Variants in GALNT9 observed in about 807,000 individuals in gnomAD.
GALNT9 encodes the protein polypeptide N-acetylgalactosaminyltransferase 9, also known as GalNAc transferase 9.
Under a neutral mutation model 63.1 loss-of-function variants are expected in GALNT9, and 47 were observed. That is an observed-to-expected ratio of 0.75 (90% CI 0.59 to 0.95). GALNT9 has a LOEUF of 0.95. Among genes scored for constraint, GALNT9 ranks in the 40% least tolerant of loss-of-function variants. The pLI is 0.00. For synonymous variants in GALNT9, 396 were observed against 365.7 expected (o/e 1.08, Z -0.94); for missense variants, 829 against 874.8 (o/e 0.95, Z 0.66).
rs367681516 is a variant in GALNT9, at chr12:132,197,064, C to G, written c.*43G>C. ...GTCACTCAGCCACACTGGCTCGGCC[C>G]AGCGCCTTCCCGAGGTCTGTGGGGG... is the stretch of plus-strand genomic sequence containing the variant. On this transcript the variant is annotated 3_prime_UTR_variant, in exon 11 of 11. Transcript: ENST00000328957. 1 of 1,608,510 alleles carries G rather than the reference C, an allele frequency of 6.2e-7. No individual in the cohort carries two copies. Among genetic ancestry groups the G allele is most frequent in the African/African-American group, 1.3e-5 (1 of 75,008 alleles).
intron 6 of GALNT9, among the ~76,000 whole-genome samples, chr12:132,207,056 C>A (rs1373470027): frequency 6.6e-6 from 1 of 152,132 alleles, no homozygotes; most frequent in Non-Finnish European, 1.5e-5. Flanking sequence ...AGAGTGAGAC[C>A]CTGTCTGAAA....
chr12:132,320,874 T>C (rs1868755701), intron 1 of GALNT9, among the ~76,000 whole-genome samples: 1 of 152,152 alleles, frequency 6.6e-6, no homozygotes, highest in Admixed American at 6.5e-5. Context: ...AGGCTGTTGC[T>C]CCGGGCATCC....
chr12:132,222,515 C>T (rs918555989), intron 6 of GALNT9, among the ~76,000 whole-genome samples: 9,805 of 152,140 alleles, frequency 0.064, 392 homozygotes, highest in Non-Finnish European at 0.1. Context: ...TGGTCACACA[C>T]GCAGTTTCTG....
rs1566026940 is a variant in GALNT9 at position 132,328,989 on chromosome 12, TCCTC to T, written c.211_214del (p.Glu71ArgfsTer73). 1 of 1,538,858 alleles carries T rather than the reference TCCTC, an allele frequency of 6.5e-7. No individual in the cohort carries two copies. The highest frequency in any genetic ancestry group is 1.2e-5 in the South Asian group (1 of 83,488). Reference sequence around the variant, plus strand: ...ACCGTTGAGCTGGTTGTAGACCACCTCCTCCAGGTGGTCCAGGCGCTGCAGGATG... The same window carrying T: ...ACCGTTGAGCTGGTTGTAGACCACCTCAGGTGGTCCAGGCGCTGCAGGATG... On this transcript the variant is annotated frameshift_variant, in exon 1 of 11. Transcript: ENST00000328957. LOFTEE classifies it high-confidence loss of function.
At chr12:132,281,611 G>T (rs562444384) in intron 2 of GALNT9, among the ~76,000 whole-genome samples, 38 of 152,348 alleles carry the variant, frequency 2.5e-4, no homozygotes, top group African/African-American at 7.7e-4. Context: ...CTCTGTCAAG[G>T]TTCATCCCGA....
chr12:132,256,395 G>A (rs1302677001), intron 5 of GALNT9, among the ~76,000 whole-genome samples: 3 of 152,062 alleles, frequency 2.0e-5, no homozygotes, highest in South Asian at 2.1e-4. Flanking sequence ...TAAGTATTCC[G>A]TGATGTGGGT....
intron 1 of GALNT9, among the ~76,000 whole-genome samples, chr12:132,295,102 G>A (rs1881004657): frequency 6.6e-6 from 1 of 152,232 alleles, no homozygotes; most frequent in Admixed American, 6.5e-5. Context: ...AGCTGCACTG[G>A]GGGTCACAGG....
chr12:132,250,015 T>C (rs1262382603), intron 5 of GALNT9, among the ~76,000 whole-genome samples: 5 of 152,142 alleles, frequency 3.3e-5, no homozygotes, highest in Non-Finnish European at 2.9e-5. Context: ...GGACGCCTCT[T>C]GTTAGCATCA....
In GALNT9 at chr12:132,197,908, T is replaced by C. The variant is rs768869656; in HGVS notation, c.1549A>G (p.Thr517Ala). The change falls in exon 10 of 11, where the codon ACA (threonine) becomes GCA (alanine). Residue 517 changes from threonine to alanine, a missense_variant. Physicochemically the swap from Thr to Ala is moderately conservative, Grantham distance 58 (BLOSUM62 0). Transcript: ENST00000328957. Reference sequence around the variant, plus strand: ...CACTTGGAGTCAGGCAAGAAGGCTGTGGAGCCCAGAGGCCCCAGCTGCAGC... The same window carrying C: ...CACTTGGAGTCAGGCAAGAAGGCTGCGGAGCCCAGAGGCCCCAGCTGCAGC... ...GLLQLGPLGS[T>A]AFLPDSKCLV... The C allele has an allele frequency of 1.2e-5, 20 of 1,611,812 alleles. No homozygotes were observed. In the East Asian group the frequency reaches 3.3e-4, roughly 27 times the overall value.
rs781885718 is a variant in GALNT9 at position 132,286,607 on chromosome 12, G to T, written c.239-177C>A. The T allele has an allele frequency of 5.6e-5, 64 of 1,142,114 alleles. No individual in the cohort carries two copies. The highest frequency in any genetic ancestry group is 7.0e-5 in the Non-Finnish European group (59 of 836,900). The allele number at this position is 1,142,114 out of a possible 1,614,324, so 70.7% of individuals were successfully genotyped here. On this transcript the variant is annotated intron_variant, in intron 1 of 10. Coordinates refer to ENST00000328957, the MANE Select transcript of GALNT9 (RefSeq NM_001122636.2). This position sits in a 1 kb window ranked among gnomAD's most constrained non-coding sequence, Gnocchi z 7.4. ...CATTCCAGAAAGTGCAAGGCTGTGC[G>T]CGGAGTGAGAGGGCGGTGCCAGGCG...
intron 6 of GALNT9, among the ~76,000 whole-genome samples, chr12:132,239,194 A>T (rs1258673542): frequency 7.0e-6 from 1 of 142,192 alleles, no homozygotes; most frequent in Non-Finnish European, 1.5e-5. Flanking sequence ...GGGGTGGGGG[A>T]CAGGCAGAGA....
intron 2 of GALNT9, 47 bp from the exon 3 acceptor site, chr12:132,262,672 A>G: frequency 6.9e-7 from 1 of 1,447,436 alleles, no homozygotes; most frequent in South Asian, 1.4e-5. Flanking sequence ...AGCATGAGGG[A>G]CCCCGGAAGC....
At position 132,315,887 on chromosome 12, in the gene GALNT9, C is replaced by T. The variant is rs1178425590; in HGVS notation, c.238+13079G>A. 6.6e-6 allele frequency among the ~76,000 whole-genome samples: 1 copy of T among 152,154 alleles called. No individual in the cohort carries two copies. The highest frequency in any genetic ancestry group is 1.5e-5 in the Non-Finnish European group (1 of 68,030). On this transcript the variant is annotated intron_variant, in intron 1 of 10. Transcript: ENST00000328957. This position sits in a 1 kb window ranked among gnomAD's most constrained non-coding sequence, Gnocchi z 6.1. ...GCTGCAATAAACCCCTGTGCTGGGC[C>T]CATTCCGAGATGCCAATGGGGACTT...
At chr12:132,237,766 G>A (rs1339901381) in intron 6 of GALNT9, among the ~76,000 whole-genome samples, 1 of 152,224 alleles carries the variant, frequency 6.6e-6, no homozygotes, top group African/African-American at 2.4e-5. Flanking sequence ...GGGGCCTGAC[G>A]CAGCCTCACC....
intron 2 of GALNT9, chr12:132,277,700 C>T (rs559540110): frequency 1.3e-5 from 2 of 152,356 alleles, no homozygotes; most frequent in East Asian, 3.9e-4. Context: ...AGCAACTCAC[C>T]TTCACACAGC....
At chr12:132,223,073 T>C (rs1354244088) in intron 6 of GALNT9, among the ~76,000 whole-genome samples, 19 of 40,864 alleles carry the variant, frequency 4.6e-4, no homozygotes, top group South Asian at 1.8e-3. Context: ...ACACCCCACA[T>C]ACACCCCACA....
intron 6 of GALNT9, among the ~76,000 whole-genome samples, chr12:132,217,171 C>G (rs1877233102): frequency 6.6e-6 from 1 of 152,108 alleles, no homozygotes; most frequent in African/African-American, 2.4e-5. Flanking sequence ...ACTATCTATC[C>G]ACCCATCCAC....
At chr12:132,259,668 C>T (rs1260663971) in intron 4 of GALNT9, among the ~76,000 whole-genome samples, 2 of 152,160 alleles carry the variant, frequency 1.3e-5, no homozygotes, top group Non-Finnish European at 2.9e-5. Context: ...CCCAAAACGC[C>T]AGGTTCCCCG....
chr12:132,260,947 C>G lies in GALNT9; in HGVS notation c.761+1G>C, dbSNP rs1459448571. The G allele has an allele frequency of 1.3e-6, 2 of 1,537,812 alleles. No individual in the cohort carries two copies. Among genetic ancestry groups the G allele is most frequent in the Non-Finnish European group, 1.8e-6 (2 of 1,141,824 alleles). On this transcript the variant is annotated splice_donor_variant, in intron 4 of 10. Transcript: ENST00000328957. LOFTEE classifies it high-confidence loss of function. ...GCTGTCCAGCCTGTTCCGGCCCTTA[C>G]CAGCCCGTGTTGAACTCGACGTGGG...
Sources: allele counts gnomAD v4.1 joint callset (sites outside exome capture counted in the v4.1 genomes callset), GRCh38; gene constraint gnomAD v4.1.1; non-coding constraint Gnocchi (gnomAD v3.1); transcripts MANE v1.5; gene names NCBI Gene and HGNC (gene_info 2026-07-23, HGNC 2026-07-21).